The following KIFC2 variants were observed in gnomAD, a reference collection of about 807,000 sequenced individuals.
KIFC2 encodes kinesin-like protein KIFC2.
A neutral mutation model predicts 91.5 loss-of-function variants in KIFC2; 94 were observed. The ratio of observed to expected loss-of-function variants is 1.03; its 90% CI spans 0.87 to 1.22. KIFC2 has a LOEUF of 1.22. Ranked by LOEUF, KIFC2 falls within the 50% of genes most tolerant of loss-of-function variation. KIFC2 has a pLI of 0.00. For missense variants in KIFC2, 1,357 were observed against 1,103.3 expected (o/e 1.23, Z -3.26); for synonymous variants, 729 against 503.9 (o/e 1.45, Z -5.98).
At position 144,468,551 on chromosome 8, in the gene KIFC2, G is replaced by A. The variant is rs1824787736; in HGVS notation, c.904G>A (p.Val302Met). The change falls in exon 9 of 18, where the codon GTG becomes ATG. Residue 302 changes from valine (V) to methionine (M), a missense_variant. Val to Met is a conservative substitution (Grantham distance 21, BLOSUM62 1). Coordinates refer to ENST00000645548, the MANE Select transcript of KIFC2 (RefSeq NM_001369769.2). Reference sequence around the variant, plus strand: ...GGCGGGGCAGCTGGGGGTGCAGGAGGTGCAGCTGCAGGGCCTTCAAGGGGC... The same window carrying A: ...GGCGGGGCAGCTGGGGGTGCAGGAGATGCAGCTGCAGGGCCTTCAAGGGGC... ...ALRAQLGVQE[V>M]QLQGLQGALQ... The A allele has an allele frequency of 1.3e-6, 2 of 1,588,132 alleles. No individual in the cohort carries two copies. Among genetic ancestry groups the A allele is most frequent in the South Asian group, 1.1e-5 (1 of 88,778 alleles).
At chr8:144,471,124 C>T (rs528806465) in intron 12 of KIFC2, among the ~76,000 whole-genome samples, 5 of 146,354 alleles carry the variant, frequency 3.4e-5, no homozygotes, top group South Asian at 4.7e-4. Context: ...CCACCATGCT[C>T]GGCTAATTTT....
In KIFC2 at chr8:144,473,058, G is replaced by A; in HGVS notation, c.2118+7G>A. On this transcript the variant is annotated splice_region_variant and intron_variant, in intron 17 of 17. Transcript: ENST00000645548. ...CGCGGTGCTGCTGCTGCAGGTGGGC[G>A]CCGGGGCGGGGCAGGTGTGTGCGTG... The A allele has an allele frequency of 2.8e-6, 4 of 1,426,492 alleles. No individual in the cohort carries two copies. The highest frequency in any genetic ancestry group is 2.5e-4 in the Middle Eastern group (1 of 3,990). 88.4% of individuals were successfully genotyped at this position (1,426,492 alleles called of 1,614,324 possible). A position where few individuals can be genotyped will look rare whatever the true frequency, so the allele number is the denominator to read the frequency against.
chr8:144,472,386 G>GAGCGC lies in KIFC2; in HGVS notation c.1634_1638dup (p.Leu547SerfsTer5). The GAGCGC allele has an allele frequency of 6.2e-7, 1 of 1,613,310 alleles. No homozygotes were observed. The highest frequency in any genetic ancestry group is 8.5e-7 in the Non-Finnish European group (1 of 1,179,942). ...GGACCTCCTTGCTCCAGGGCCTCCC[G>GAGCGC]AGCGCCTGGCCGTGAGGCAGGGCCC... is the stretch of plus-strand genomic sequence containing the variant. On this transcript the variant is annotated frameshift_variant, in exon 15 of 18. Transcript: ENST00000645548. LOFTEE classifies it high-confidence loss of function.
chr8:144,466,484 C>T lies in KIFC2; in HGVS notation c.65C>T (p.Ala22Val), dbSNP rs1205273523. 1.5e-6 allele frequency: 2 copies of T among 1,322,972 alleles called. No homozygotes were observed. The highest frequency in any genetic ancestry group is 1.9e-6 in the Non-Finnish European group (2 of 1,028,448). The allele number at this position is 1,322,972 out of a possible 1,614,324, so 82.0% of individuals were successfully genotyped here. The part of the protein sequence containing the change: ...FYSLFRRDGG[A>V]AAAAEPGDPA... ...AGCCTCTTCCGCAGGGATGGTGGCG[C>T]CGCGGCGGCCGCGGAGCCCGGGGAC... is the stretch of plus-strand genomic sequence containing the variant. Residue 22 changes from alanine (A) to valine (V), a missense_variant, in exon 1 of 18, where the codon GCC becomes GTC. By Grantham distance (64) the Ala-to-Val change is moderately conservative. Coordinates refer to ENST00000645548, the MANE Select transcript of KIFC2 (RefSeq NM_001369769.2).
chr8:144,466,632 GA>G, intron 1 of KIFC2, 114 bp downstream of exon 1: 1 of 916,558 alleles, frequency 1.1e-6, no homozygotes, highest in Non-Finnish European at 1.5e-6. Context: ...CCGTGCCGAG[GA>G]CCCTCGGCTC....
Position 144,472,694 on chromosome 8 carries a change from C to T in KIFC2, c.1849C>T (p.Pro617Ser), listed in dbSNP as rs1824980985. 2 of 1,594,772 alleles carry T rather than the reference C, an allele frequency of 1.3e-6. No individual in the cohort carries two copies. Among genetic ancestry groups the T allele is most frequent in the East Asian group, 2.2e-5 (1 of 44,720 alleles). Residue 617 changes from proline (P) to serine (S), a missense_variant, in exon 16 of 18, where the codon CCA (proline) becomes TCA (serine). Coordinates refer to ENST00000645548, the MANE Select transcript of KIFC2 (RefSeq NM_001369769.2). ...TLRAASPPRAPGTAGTLHLVD... is the reference protein window; with the variant it reads ...TLRAASPPRASGTAGTLHLVD... The stretch of plus-strand genomic sequence containing the variant: ...GCGCGCGGCGTCTCCACCGCGCGCT[C>T]CAGGCACCGCAGGTACCACGGCCGG...
At chr8:144,466,688 C>G (rs951869227) in intron 1 of KIFC2, 72 bp from the exon 2 acceptor site, 5 of 1,299,442 alleles carry the variant, frequency 3.8e-6, no homozygotes, top group Non-Finnish European at 1.0e-6. Flanking sequence ...ATCCTCCGGC[C>G]CGGTTCGCGG....
chr8:144,467,637 T>G lies in KIFC2; in HGVS notation c.615+7T>G. 4.4e-6 allele frequency: 7 copies of G among 1,599,598 alleles called. No individual in the cohort carries two copies. The highest frequency in any genetic ancestry group is 5.1e-6 in the Non-Finnish European group (6 of 1,172,038). On this transcript the variant is annotated splice_region_variant and intron_variant, in intron 5 of 17. Transcript: ENST00000645548. ...GCAGCTCATCCTGGGACAGGTGAGG[T>G]CCCTGGAGCCAGAAGGGATTGCCGG...
intron 12 of KIFC2, among the ~76,000 whole-genome samples, chr8:144,471,181 T>C (rs1329971230): frequency 6.6e-6 from 1 of 152,180 alleles, no homozygotes; most frequent in Non-Finnish European, 1.5e-5. Flanking sequence ...GCCAGGCTGG[T>C]CTTGAACTCC....
intron 10 of KIFC2, 66 bp downstream of exon 10, chr8:144,468,900 G>A: frequency 7.3e-7 from 1 of 1,361,470 alleles, no homozygotes; most frequent in Non-Finnish European, 1.0e-6. Context: ...TTTGACGGGG[G>A]CGTTCCTGGG....
chr8:144,469,791 C>G, intron 12 of KIFC2, 144 bp downstream of exon 12: 2 of 1,077,888 alleles, frequency 1.9e-6, no homozygotes, highest in Non-Finnish European at 1.3e-6. Context: ...GAAAGGGAAC[C>G]GAGGGGGCTG....
chr8:144,473,535 C>T lies in KIFC2; in HGVS notation c.*146C>T. The T allele has an allele frequency of 8.0e-7, 1 of 1,252,408 alleles. No individual in the cohort carries two copies. Among genetic ancestry groups the T allele is most frequent in the Non-Finnish European group, 1.1e-6 (1 of 940,600 alleles). The allele number at this position is 1,252,408 out of a possible 1,614,324, so 77.6% of individuals were successfully genotyped here. ...CCCCTGAGCTCCCAGAGTCACCCCT[C>T]CACCTCCGCAGCCAGTGAAGTGTGT... On this transcript the variant is annotated 3_prime_UTR_variant, in exon 18 of 18. Coordinates refer to ENST00000645548, the MANE Select transcript of KIFC2 (RefSeq NM_001369769.2).
chr8:144,466,932 T>C (rs2129967902), intron 2 of KIFC2, 27 bp from the exon 3 acceptor site: 2 of 1,579,958 alleles, frequency 1.3e-6, no homozygotes, highest in Non-Finnish European at 1.7e-6. Flanking sequence ...ACCCGAAATG[T>C]CTCCCGCCCT....
Position 144,470,340 on chromosome 8 carries a change from C to T in KIFC2, c.1380+693C>T, listed in dbSNP as rs115229593. On this transcript the variant is annotated intron_variant, in intron 12 of 17. Coordinates refer to ENST00000645548, the MANE Select transcript of KIFC2 (RefSeq NM_001369769.2). The stretch of plus-strand genomic sequence containing the variant: ...CTTAGCCCCACCCCACACTGCAGCA[C>T]TGCGCAGGGCATGCCTTGTGCACCG... 6.2e-3 allele frequency among the ~76,000 whole-genome samples: 952 copies of T among 152,380 alleles called. 10 individuals carry two copies. The highest frequency in any genetic ancestry group is 0.022 in the African/African-American group (923 of 41,586).
rs1200736907 is a variant in KIFC2, at chr8:144,473,541, C to T, written c.*152C>T. ...AGCTCCCAGAGTCACCCCTCCACCT[C>T]CGCAGCCAGTGAAGTGTGTTGTGCC... On this transcript the variant is annotated 3_prime_UTR_variant, in exon 18 of 18. Coordinates refer to ENST00000645548, the MANE Select transcript of KIFC2 (RefSeq NM_001369769.2). 77 of 1,212,458 alleles carry T rather than the reference C, an allele frequency of 6.4e-5. No individual in the cohort carries two copies. Among genetic ancestry groups the T allele is most frequent in the Admixed American group, 9.1e-5 (3 of 33,130 alleles). The allele number at this position is 1,212,458 out of a possible 1,614,324, so 75.1% of individuals were successfully genotyped here.
rs193041373 is a variant in KIFC2, at chr8:144,469,460, G to A, written c.1223-30G>A. 9 of 1,613,746 alleles carry A rather than the reference G, an allele frequency of 5.6e-6. No individual in the cohort carries two copies. The East Asian group carries it at 1.8e-4, about 32-fold the overall frequency. The stretch of plus-strand genomic sequence containing the variant: ...CTTCTCTGTGCTTTAGGGTCTGCGA[G>A]GCATTATGCTGACCTGATCCCCACT... On this transcript the variant is annotated intron_variant, in intron 11 of 17. Transcript: ENST00000645548.
At chr8:144,471,861 G>A (rs4925823) in intron 12 of KIFC2, 81 bp from the exon 13 acceptor site, 1,257,222 of 1,276,554 alleles carry the variant, frequency 0.98, 620,609 homozygotes, top group Non-Finnish European at 1. Context: ...ACCTGCCTTC[G>A]TGGCACTCCC....
intron 12 of KIFC2, among the ~76,000 whole-genome samples, chr8:144,469,933 C>A (rs1564748772): frequency 6.6e-6 from 1 of 152,234 alleles, no homozygotes; most frequent in Non-Finnish European, 1.5e-5. Flanking sequence ...CCAAGGCAGG[C>A]GGTGGGTGGT....
rs370035950 is a variant in KIFC2, at chr8:144,471,926, C to A, written c.1381-16C>A. On this transcript the variant is annotated splice_polypyrimidine_tract_variant and intron_variant, in intron 12 of 17. Transcript: ENST00000645548. ...ACGTGGGGAGGACTCAAAACACATTCTCCCGCCTCCCGCAGGTCTTCAGAG... is the reference window on the plus strand; with the variant it reads ...ACGTGGGGAGGACTCAAAACACATTATCCCGCCTCCCGCAGGTCTTCAGAG... 44 of 1,611,346 alleles carry A rather than the reference C, an allele frequency of 2.7e-5. No homozygotes were observed. Among genetic ancestry groups the A allele is most frequent in the Non-Finnish European group, 3.6e-5 (43 of 1,178,586 alleles).
Sources: allele counts gnomAD v4.1 joint callset (sites outside exome capture counted in the v4.1 genomes callset), GRCh38; gene constraint gnomAD v4.1.1; transcripts MANE v1.5; gene names NCBI Gene and HGNC (gene_info 2026-07-23, HGNC 2026-07-21).